Variants in SEM1 observed in about 807,000 individuals in gnomAD.
The protein encoded by SEM1 is 26S proteasome complex subunit SEM1.
Under a neutral mutation model 12.7 loss-of-function variants are expected in SEM1, and 3 were observed. The observed-to-expected ratio is 0.24, with a 90% CI of 0.11 to 0.61. The LOEUF is 0.61. Ranked by LOEUF, SEM1 falls within the 20% of genes least tolerant of loss-of-function variation. The pLI is 0.88. For synonymous variants in SEM1, 30 were observed against 27.8 expected (o/e 1.08, Z -0.25); for missense variants, 59 against 81.3 (o/e 0.73, Z 1.06).
chr7:96,566,564 G>A (rs1204108438), intron 2 of SEM1, among the ~76,000 whole-genome samples: 1 of 151,368 alleles, frequency 6.6e-6, no homozygotes, highest in Non-Finnish European at 1.5e-5. Context: ...ATTATATATA[G>A]CATATTACAA....
chr7:96,589,681 G>A (rs1806766559), intron 2 of SEM1, among the ~76,000 whole-genome samples: 1 of 152,166 alleles, frequency 6.6e-6, no homozygotes, highest in Non-Finnish European at 1.5e-5. Context: ...AGAACATTCT[G>A]TACTGAAATT....
intron 2 of SEM1, among the ~76,000 whole-genome samples, chr7:96,555,353 C>G (rs1464579229): frequency 6.6e-6 from 1 of 151,360 alleles, no homozygotes; most frequent in Non-Finnish European, 1.5e-5. Flanking sequence ...CCTCTACACA[C>G]TGTTTGAATG....
At chr7:96,634,777 A>G (rs1254413368) in intron 2 of SEM1, among the ~76,000 whole-genome samples, 2 of 152,010 alleles carry the variant, frequency 1.3e-5, no homozygotes, top group African/African-American at 4.8e-5. Context: ...AGAAACGGAA[A>G]GAAGTATGGT....
intron 2 of SEM1, among the ~76,000 whole-genome samples, chr7:96,550,256 A>G (rs1043758372): frequency 2.0e-5 from 3 of 152,208 alleles, no homozygotes; most frequent in East Asian, 1.9e-4. Flanking sequence ...ATACATGGTT[A>G]TAATTGAAAA....
intron 2 of SEM1, among the ~76,000 whole-genome samples, chr7:96,599,123 G>A (rs1016802103): frequency 3.9e-5 from 6 of 152,042 alleles, no homozygotes; most frequent in Non-Finnish European, 8.8e-5. Flanking sequence ...AGCAGAGATT[G>A]CTTGCCTTTC....
At position 96,508,419 on chromosome 7, in the gene SEM1, G is replaced by A. The variant is rs115076023; in HGVS notation, c.171-1721C>T. On this transcript the variant is annotated intron_variant and NMD_transcript_variant, in intron 2 of 3. Transcript: ENST00000466986. ...TTCTGGTGGCAGGGCAGGGCAGGAA[G>A]CAGTTTGGGGTCAACGAGAACAGTG... 7.6e-3 allele frequency among the ~76,000 whole-genome samples: 1,161 copies of A among 152,188 alleles called. 17 individuals carry two copies. Among genetic ancestry groups the A allele is most frequent in the African/African-American group, 0.027 (1,111 of 41,534 alleles).
chr7:96,595,224 A>G (rs921490167), intron 2 of SEM1, among the ~76,000 whole-genome samples: 2 of 152,138 alleles, frequency 1.3e-5, no homozygotes, highest in African/African-American at 4.8e-5. Flanking sequence ...CTATATAAAA[A>G]TAGTTAGGCC....
chr7:96,686,314 T>C (rs190358313), downstream of SEM1, among the ~76,000 whole-genome samples: 107 of 152,268 alleles, frequency 7.0e-4, no homozygotes, highest in South Asian at 0.013. Flanking sequence ...CCTTAACAAC[T>C]ACTACCTAAA....
chr7:96,658,127 C>A (rs937853644), intron 2 of SEM1, among the ~76,000 whole-genome samples: 1 of 152,102 alleles, frequency 6.6e-6, no homozygotes, highest in African/African-American at 2.4e-5. Flanking sequence ...GCCGATGAAT[C>A]CCAAGTGAAA....
downstream of SEM1, among the ~76,000 whole-genome samples, chr7:96,687,028 C>G (rs147393676): frequency 1.3e-5 from 2 of 152,050 alleles, no homozygotes; most frequent in Non-Finnish European, 1.5e-5. Flanking sequence ...AAAAGACACA[C>G]GAAAAAATGC....
At chr7:96,516,971 GA>G (rs1405193642) in intron 2 of SEM1, among the ~76,000 whole-genome samples, 1 of 152,128 alleles carries the variant, frequency 6.6e-6, no homozygotes, top group Non-Finnish European at 1.5e-5. Context: ...AAGCCAATCT[GA>G]AAAGCCTACA....
At chr7:96,672,641 C>T (rs1584852487), downstream of SEM1, 1 of 152,178 alleles carries the variant, frequency 6.6e-6, no homozygotes, top group Non-Finnish European at 1.5e-5. Context: ...ATAGTGGCTT[C>T]TCACCATCCC....
chr7:96,612,453 TCA>T lies in SEM1; in HGVS notation c.170+82343_170+82344del, dbSNP rs139209231. On this transcript the variant is annotated intron_variant and NMD_transcript_variant, in intron 2 of 3. Coordinates refer to the SEM1 transcript ENST00000466986. ...GAAACAAGGGCATTTGCTGTGAATCTCAGAGTTGGGAGGAATGTTAGTTACCA... is the reference window on the plus strand; with the variant it reads ...GAAACAAGGGCATTTGCTGTGAATCTGAGTTGGGAGGAATGTTAGTTACCA... Among the ~76,000 whole-genome samples the T allele has an allele frequency of 2.8e-3, 426 of 152,278 alleles. 1 individual carries two copies. The highest frequency in any genetic ancestry group is 9.8e-3 in the African/African-American group (409 of 41,554).
chr7:96,568,445 T>C (rs972976154), intron 2 of SEM1, among the ~76,000 whole-genome samples: 3 of 151,862 alleles, frequency 2.0e-5, no homozygotes, highest in African/African-American at 7.2e-5. Context: ...TTTCACTCTT[T>C]TTTGTAGCTA....
At chr7:96,618,794 T>C (rs1227089858), downstream of SEM1, among the ~76,000 whole-genome samples, 1 of 152,166 alleles carries the variant, frequency 6.6e-6, no homozygotes, top group Non-Finnish European at 1.5e-5. Flanking sequence ...ACAAAAAAAT[T>C]TAAAAATTAG....
intron 2 of SEM1, among the ~76,000 whole-genome samples, chr7:96,599,610 T>A (rs2116182666): frequency 6.6e-6 from 1 of 152,316 alleles, no homozygotes; most frequent in Non-Finnish European, 1.5e-5. Flanking sequence ...TTTCTGACAA[T>A]GCTTCCTTTC....
chr7:96,532,678 T>A (rs117490205), intron 2 of SEM1, among the ~76,000 whole-genome samples: 2 of 152,252 alleles, frequency 1.3e-5, no homozygotes, highest in East Asian at 3.9e-4. Flanking sequence ...ATCTGCTTTA[T>A]GAGTTAACTG....
Position 96,614,687 on chromosome 7 carries a change from T to G in SEM1, c.170+80111A>C, listed in dbSNP as rs1183324344. ...TCTCTCACCATGGTGTGAAAAGCTT[T>G]GGGTTCTCTATTGTCTGTCTTCATC... On this transcript the variant is annotated intron_variant and NMD_transcript_variant, in intron 2 of 3. Coordinates refer to the SEM1 transcript ENST00000466986. Among the ~76,000 whole-genome samples, 4 of 152,226 alleles carry G rather than the reference T, an allele frequency of 2.6e-5. 1 individual carries two copies. The highest frequency in any genetic ancestry group is 5.9e-5 in the Non-Finnish European group (4 of 68,036).
intron 2 of SEM1, among the ~76,000 whole-genome samples, chr7:96,529,169 G>T (rs1159871117): frequency 6.6e-6 from 1 of 152,002 alleles, no homozygotes; most frequent in Admixed American, 6.6e-5. Flanking sequence ...AAAGTTTTCA[G>T]GATATAGCAG....
Sources: gnomAD v4.1 joint callset for allele counts (sites outside exome capture counted in the v4.1 genomes callset) on GRCh38, gnomAD v4.1.1 for gene constraint, MANE v1.5 for transcripts, NCBI Gene and HGNC (gene_info 2026-07-23, HGNC 2026-07-21) for gene names.